DNMT3A: variants seen among roughly 807,000 people sequenced by gnomAD.
The protein encoded by DNMT3A is DNA methyltransferase 3 alpha, also known as DNA (cytosine-5)-methyltransferase 3A.
Under a neutral mutation model 117.6 loss-of-function variants are expected in DNMT3A, and 267 were observed. The ratio of observed to expected loss-of-function variants is 2.27; its 90% CI spans 2.05 to 2.51. The LOEUF is 2.51. Among genes scored for constraint, DNMT3A ranks in the 30% most tolerant of loss-of-function variants. The pLI is 0.00. For missense variants in DNMT3A, 1,029 were observed against 1,260.2 expected, an observed-to-expected ratio of 0.82 and a Z score of 2.78; for synonymous variants, 432 against 474.8, an observed-to-expected ratio of 0.91 and a Z score of 1.17.
At chr2:25,301,554 T>C (rs1048520664) in intron 2 of DNMT3A, among the ~76,000 whole-genome samples, 1 of 152,134 alleles carries the variant, frequency 6.6e-6, no homozygotes, top group Non-Finnish European at 1.5e-5. Flanking sequence ...GGCCCTGACA[T>C]GCTTGTCTCC....
chr2:25,246,917 C>G, intron 9 of DNMT3A, 134 bp downstream of exon 9: 1 of 1,479,316 alleles, frequency 6.8e-7, no homozygotes, highest in South Asian at 1.3e-5. Context: ...GATGTGCATA[C>G]GGGCGAGCGA....
rs1051146410 is a variant in DNMT3A at position 25,311,588 on chromosome 2, C to T, written c.72+2325G>A. Among the ~76,000 whole-genome samples, 2 of 152,160 alleles carry T rather than the reference C, an allele frequency of 1.3e-5. No individual in the cohort carries two copies. The highest frequency in any genetic ancestry group is 2.1e-4 in the South Asian group (1 of 4,824). On this transcript the variant is annotated intron_variant, in intron 2 of 22. Transcript: ENST00000321117. The surrounding 1 kb of genome is among the most constrained non-coding windows in gnomAD (Gnocchi z 5.2). The stretch of plus-strand genomic sequence containing the variant: ...GTGTGAGTGTGCACTCTATCAGCAC[C>T]GGGATCTAGGGCTGGGTGTGTGTTT...
intron 1 of DNMT3A, among the ~76,000 whole-genome samples, chr2:25,341,122 G>T (rs568290192): frequency 6.9e-6 from 1 of 144,618 alleles, no homozygotes; most frequent in East Asian, 2.1e-4. Flanking sequence ...GCGGCGCGGC[G>T]CTCCCCGGCC....
At chr2:25,260,090 G>C (rs1048587674) in intron 6 of DNMT3A, among the ~76,000 whole-genome samples, 1 of 152,134 alleles carries the variant, frequency 6.6e-6, no homozygotes. Context: ...CCCTTGCTGG[G>C]TACATCACTA....
intron 6 of DNMT3A, among the ~76,000 whole-genome samples, chr2:25,272,342 G>A (rs532714501): frequency 1.3e-5 from 2 of 152,320 alleles, no homozygotes; most frequent in African/African-American, 4.8e-5. Context: ...ATGTATCTAT[G>A]ATCTAATTTT....
At position 25,247,445 on chromosome 2, in the gene DNMT3A, G is replaced by C. The variant is rs1172285539; in HGVS notation, c.1014+146C>G. 1 of 1,284,744 alleles carries C rather than the reference G, an allele frequency of 7.8e-7. No homozygotes were observed. Among genetic ancestry groups the C allele is most frequent in the Non-Finnish European group, 1.1e-6 (1 of 938,282 alleles). 79.6% of individuals were successfully genotyped at this position (1,284,744 alleles called of 1,614,324 possible). On this transcript the variant is annotated intron_variant, in intron 8 of 22. Transcript: ENST00000321117. This position sits in a 1 kb window ranked among gnomAD's most constrained non-coding sequence, Gnocchi z 5.6. ...CAGGTGCAACCTAATTATCCCTACA[G>C]CTTCTTCCACCCACCACAGGCAGAG...
chr2:25,240,497 G>A (rs1350594545), intron 18 of DNMT3A, 47 bp from the exon 19 acceptor site: 2 of 1,584,580 alleles, frequency 1.3e-6, no homozygotes, highest in Non-Finnish European at 1.7e-6. Flanking sequence ...GTCTGCATAG[G>A]ACAGTGGTGT....
rs2035250120 is a variant in DNMT3A at position 25,337,261 on chromosome 2, A to G, written c.-178+4565T>C. 6.6e-6 allele frequency among the ~76,000 whole-genome samples: 1 copy of G among 152,176 alleles called. No homozygotes were observed. The highest frequency in any genetic ancestry group is 2.4e-5 in the African/African-American group (1 of 41,438). ...CCCAGGATTTTTAATCAGAATCGGCACTTTCCTCATCTGACCAAGATTCTG... is the reference window on the plus strand; with the variant it reads ...CCCAGGATTTTTAATCAGAATCGGCGCTTTCCTCATCTGACCAAGATTCTG... On this transcript the variant is annotated intron_variant, in intron 1 of 22. Transcript: ENST00000321117. This position sits in a 1 kb window ranked among gnomAD's most constrained non-coding sequence, Gnocchi z 5.0.
Position 25,290,782 on chromosome 2 carries a change from G to A in DNMT3A, c.178-8071C>T, listed in dbSNP as rs181659566. On this transcript the variant is annotated intron_variant, in intron 3 of 22. Transcript: ENST00000321117. Reference sequence around the variant, plus strand: ...CTGCAGCCCACCTGCAGCGATCACCGGGGAAGGGGGATCCTGTGGGGGTGG... The same window carrying A: ...CTGCAGCCCACCTGCAGCGATCACCAGGGAAGGGGGATCCTGTGGGGGTGG... Among the ~76,000 whole-genome samples, 648 of 146,790 alleles carry A rather than the reference G, an allele frequency of 4.4e-3. 6 individuals are homozygous for A. The highest frequency in any genetic ancestry group is 0.015 in the African/African-American group (606 of 40,348).
chr2:25,246,981 C>T, intron 9 of DNMT3A, 70 bp downstream of exon 9: 1 of 1,557,780 alleles, frequency 6.4e-7, no homozygotes, highest in Non-Finnish European at 8.7e-7. Flanking sequence ...TCAAGCCCGA[C>T]CTGCACTCCA....
chr2:25,318,381 G>T (rs1235154690), intron 1 of DNMT3A, among the ~76,000 whole-genome samples: 1 of 152,044 alleles, frequency 6.6e-6, no homozygotes, highest in Non-Finnish European at 1.5e-5. Flanking sequence ...CCGCCTCCTG[G>T]GTTCAAGTGA....
In DNMT3A at chr2:25,247,800, C is replaced by T; in HGVS notation, c.856-51G>A. The T allele has an allele frequency of 6.3e-7, 1 of 1,594,100 alleles. No homozygotes were observed. The highest frequency in any genetic ancestry group is 1.3e-5 in the African/African-American group (1 of 74,576). On this transcript the variant is annotated intron_variant, in intron 7 of 22. Coordinates refer to ENST00000321117, the MANE Select transcript of DNMT3A (RefSeq NM_022552.5). This position sits in a 1 kb window ranked among gnomAD's most constrained non-coding sequence, Gnocchi z 5.6. The stretch of plus-strand genomic sequence containing the variant: ...TTACACAGTGGTCACGAGGCCCTGC[C>T]ACCCTGATCCCCCCATGGCAACCCC...
rs557310134 is a variant in DNMT3A at position 25,337,671 on chromosome 2, C to T, written c.-178+4155G>A. 6.6e-6 allele frequency among the ~76,000 whole-genome samples: 1 copy of T among 152,238 alleles called. No individual in the cohort carries two copies. Among genetic ancestry groups the T allele is most frequent in the South Asian group, 2.1e-4 (1 of 4,836 alleles). On this transcript the variant is annotated intron_variant, in intron 1 of 22. Coordinates refer to ENST00000321117, the MANE Select transcript of DNMT3A (RefSeq NM_022552.5). This position sits in a 1 kb window ranked among gnomAD's most constrained non-coding sequence, Gnocchi z 5.0. ...CACATCATGCACAGACACATGTGCA[C>T]TGAACCTCGTCTTGCCCACACACTT... is the stretch of plus-strand genomic sequence containing the variant.
At chr2:25,277,367 G>A (rs1393378768) in intron 4 of DNMT3A, among the ~76,000 whole-genome samples, 1 of 151,722 alleles carries the variant, frequency 6.6e-6, no homozygotes, top group African/African-American at 2.4e-5. Flanking sequence ...CCCAGACCTC[G>A]TTGCTCTGCC....
chr2:25,334,271 T>C (rs2035125360), intron 1 of DNMT3A, among the ~76,000 whole-genome samples: 1 of 152,044 alleles, frequency 6.6e-6, no homozygotes, highest in Non-Finnish European at 1.5e-5. Flanking sequence ...CAGAGGAACT[T>C]GTATTTGCCC....
intron 6 of DNMT3A, among the ~76,000 whole-genome samples, chr2:25,264,138 T>TTTTTTG (rs2029980454): frequency 7.8e-6 from 1 of 127,800 alleles, no homozygotes; most frequent in Non-Finnish European, 1.7e-5. Context: ...TTTGGTTTTT[T>TTTTTTG]TTTTTTTTTT....
intron 4 of DNMT3A, among the ~76,000 whole-genome samples, chr2:25,280,838 C>A (rs1203738147): frequency 2.0e-5 from 3 of 152,116 alleles, no homozygotes; most frequent in Non-Finnish European, 4.4e-5. Flanking sequence ...TAGGGAAATC[C>A]CAAAGTGAAA....
chr2:25,328,588 C>T, intron 1 of DNMT3A: 1 of 474,978 alleles, frequency 2.1e-6, no homozygotes, highest in Admixed American at 2.4e-5. Flanking sequence ...CCCGTCCCCC[C>T]CGCCCACAGC....
rs1044399267 is a variant in DNMT3A, at chr2:25,300,075, C to G, written c.177+64G>C. The G allele has an allele frequency of 9.7e-6, 15 of 1,542,612 alleles. No individual in the cohort carries two copies. In the African/African-American group the frequency reaches 2.0e-4, roughly 21 times the overall value. Reference sequence around the variant, plus strand: ...CCTGCAGGACATACATCACTGCCATCGACAGGCCAGGCACGTGTGTGTTGT... The same window carrying G: ...CCTGCAGGACATACATCACTGCCATGGACAGGCCAGGCACGTGTGTGTTGT... On this transcript the variant is annotated intron_variant, in intron 3 of 22. Transcript: ENST00000321117.
Sources: allele counts gnomAD v4.1 joint callset (sites outside exome capture counted in the v4.1 genomes callset), GRCh38; gene constraint gnomAD v4.1.1; non-coding constraint Gnocchi (gnomAD v3.1); transcripts MANE v1.5; gene names NCBI Gene and HGNC (gene_info 2026-07-23, HGNC 2026-07-21).